Variants in DENND1A observed in about 807,000 individuals in gnomAD.
DENND1A encodes DENN domain-containing protein 1A.
DENND1A carries 51 observed loss-of-function variants against 113.7 expected under a neutral mutation model. The observed-to-expected ratio is 0.45, with a 90% CI of 0.36 to 0.57. The LOEUF is 0.57. Ranked by LOEUF, DENND1A falls within the 20% of genes least tolerant of loss-of-function variation. The pLI, the probability that DENND1A is intolerant of heterozygous loss-of-function variation, is 0.00. For missense variants in DENND1A, 1,258 were observed against 1,395.9 expected, an observed-to-expected ratio of 0.90 and a Z score of 1.57; for synonymous variants, 565 against 570.8, an observed-to-expected ratio of 0.99 and a Z score of 0.14.
intron 1 of DENND1A, among the ~76,000 whole-genome samples, chr9:123,916,152 T>C (rs7859011): frequency 0.078 from 11,928 of 152,160 alleles, 786 homozygotes; most frequent in African/African-American, 0.18. Context: ...CAGTATGAGA[T>C]GGGTTGAATA....
intron 2 of DENND1A, among the ~76,000 whole-genome samples, chr9:123,860,474 AAACT>A (rs1247661411): frequency 3.3e-5 from 5 of 152,206 alleles, no homozygotes; most frequent in African/African-American, 9.7e-5. Context: ...CTTTAAGCAA[AAACT>A]AACACTCATT....
chr9:123,901,787 G>C (rs903979214), intron 1 of DENND1A, among the ~76,000 whole-genome samples: 7 of 152,026 alleles, frequency 4.6e-5, no homozygotes, highest in Non-Finnish European at 7.4e-5. Flanking sequence ...GGTGGATCAC[G>C]AGGTCAGAAG....
chr9:123,571,065 C>T (rs982955184), intron 12 of DENND1A, among the ~76,000 whole-genome samples: 2 of 152,094 alleles, frequency 1.3e-5, no homozygotes, highest in Non-Finnish European at 2.9e-5. Context: ...AGGCATTAAC[C>T]TTGCCAACCT....
chr9:123,770,846 C>A (rs1028218373), intron 3 of DENND1A, among the ~76,000 whole-genome samples: 2 of 152,152 alleles, frequency 1.3e-5, no homozygotes, highest in African/African-American at 4.8e-5. Context: ...TGATGCTTCT[C>A]GCTTCATTTA....
At chr9:123,537,022 A>T (rs2055839564) in intron 13 of DENND1A, among the ~76,000 whole-genome samples, 1 of 152,246 alleles carries the variant, frequency 6.6e-6, no homozygotes, top group Admixed American at 6.5e-5. Context: ...AAAGAGACAG[A>T]ATAACAGCCT....
chr9:123,598,775 C>T (rs909677702), intron 11 of DENND1A, among the ~76,000 whole-genome samples: 4 of 151,968 alleles, frequency 2.6e-5, no homozygotes, highest in Non-Finnish European at 4.4e-5. Flanking sequence ...TTAACCCATT[C>T]GGTCAGTACA....
intron 13 of DENND1A, among the ~76,000 whole-genome samples, chr9:123,487,402 AG>A (rs1167387321): frequency 6.6e-6 from 1 of 152,202 alleles, no homozygotes; most frequent in Non-Finnish European, 1.5e-5. Context: ...TAACTAGAGC[AG>A]GGTCTTCAGA....
chr9:123,676,900 C>G (rs1192029275), intron 5 of DENND1A, 111 bp from the exon 6 acceptor site: 10 of 972,064 alleles, frequency 1.0e-5, no homozygotes, highest in Non-Finnish European at 1.5e-5. Flanking sequence ...CCTGAAGAGT[C>G]TTCCTGTCAC....
chr9:123,474,017 T>G (rs1177338643), intron 13 of DENND1A, among the ~76,000 whole-genome samples: 1 of 112,216 alleles, frequency 8.9e-6, no homozygotes, highest in Admixed American at 1.3e-4. Context: ...TTTTTTGAGA[T>G]GGAGTCTCGC....
intron 1 of DENND1A, among the ~76,000 whole-genome samples, chr9:123,929,623 G>C (rs552979454): frequency 6.6e-6 from 1 of 152,060 alleles, no homozygotes; most frequent in Non-Finnish European, 1.5e-5. Flanking sequence ...AACCCGGGGA[G>C]GGGGCCGCCC....
chr9:123,506,825 G>C (rs2052994054), intron 13 of DENND1A, among the ~76,000 whole-genome samples: 1 of 152,062 alleles, frequency 6.6e-6, no homozygotes, highest in South Asian at 2.1e-4. Context: ...GTTGCTTTGA[G>C]GGCAAACAGA....
chr9:123,788,220 C>T (rs1410178205), intron 3 of DENND1A, among the ~76,000 whole-genome samples: 4 of 152,072 alleles, frequency 2.6e-5, no homozygotes, highest in South Asian at 4.1e-4. Flanking sequence ...CATTTCAAAA[C>T]GGTATGTGTA....
chr9:123,450,035 TA>T (rs1401083401), intron 18 of DENND1A, among the ~76,000 whole-genome samples: 1 of 69,580 alleles, frequency 1.4e-5, no homozygotes, highest in South Asian at 3.9e-4. Flanking sequence ...AGAAGTCAGA[TA>T]AAAAAAGAAA....
At chr9:123,450,655 C>T (rs769612272) in intron 18 of DENND1A, 38 bp downstream of exon 18, 15 of 1,578,326 alleles carry the variant, frequency 9.5e-6, no homozygotes, top group Middle Eastern at 1.7e-4. Context: ...GCATTTCATA[C>T]ATGGTGCTTA....
intron 20 of DENND1A, among the ~76,000 whole-genome samples, chr9:123,407,458 C>A (rs1332261161): frequency 2.0e-5 from 3 of 151,718 alleles, no homozygotes; most frequent in Admixed American, 6.6e-5. Flanking sequence ...ACACACACAC[C>A]CCCTCACACA....
intron 1 of DENND1A, among the ~76,000 whole-genome samples, chr9:123,928,401 C>T (rs754499115): frequency 3.9e-4 from 59 of 152,196 alleles, no homozygotes; most frequent in Middle Eastern, 3.2e-3. Context: ...CTATTGAAAT[C>T]CAAGTTTACA....
At chr9:123,465,105 C>T (rs868561251) in intron 13 of DENND1A, among the ~76,000 whole-genome samples, 1 of 151,124 alleles carries the variant, frequency 6.6e-6, no homozygotes, top group Non-Finnish European at 1.5e-5. Context: ...CGCTTGAACC[C>T]GGGAGGTGGA....
At chr9:123,888,956 CTG>C (rs58270598) in intron 1 of DENND1A, among the ~76,000 whole-genome samples, 26,104 of 130,698 alleles carry the variant, frequency 0.2, 2,258 homozygotes, top group Non-Finnish European at 0.21. Context: ...GTGCTTTAAA[CTG>C]TGTGTGTGTG....
intron 13 of DENND1A, among the ~76,000 whole-genome samples, chr9:123,460,943 GCAACATATGTGGCACACA>G (rs1269732817): frequency 5.9e-5 from 9 of 152,218 alleles, no homozygotes; most frequent in Non-Finnish European, 1.2e-4. Flanking sequence ...TGTGCACCTG[GCAACATATGTGGCACACA>G]CAAGGGCCCA....
Sources: allele counts gnomAD v4.1 joint callset (sites outside exome capture counted in the v4.1 genomes callset), GRCh38; gene constraint gnomAD v4.1.1; transcripts MANE v1.5; gene names NCBI Gene and HGNC (gene_info 2026-07-23, HGNC 2026-07-21).